Variants in ZSWIM6 observed in about 807,000 individuals in gnomAD.
The protein encoded by ZSWIM6 is zinc finger SWIM-type containing 6.
Under a neutral mutation model 113.2 loss-of-function variants are expected in ZSWIM6, and 9 were observed. The ratio of observed to expected loss-of-function variants is 0.08; its 90% CI spans 0.05 to 0.14. The LOEUF is 0.14. Among genes scored for constraint, ZSWIM6 ranks in the 10% least tolerant of loss-of-function variants. The pLI is 1.00. For missense variants in ZSWIM6, 1,162 were observed against 1,552.2 expected, an observed-to-expected ratio of 0.75 and a Z score of 4.22; for synonymous variants, 611 against 606.5, an observed-to-expected ratio of 1.01 and a Z score of -0.11.
At chr5:61,436,229 A>G (rs1746704290) in intron 1 of ZSWIM6, among the ~76,000 whole-genome samples, 8 of 152,060 alleles carry the variant, frequency 5.3e-5, no homozygotes, top group Admixed American at 5.2e-4. Flanking sequence ...TGTAGTCACT[A>G]ATTATCACTA....
intron 1 of ZSWIM6, among the ~76,000 whole-genome samples, chr5:61,404,094 G>A (rs976750515): frequency 6.6e-6 from 1 of 151,140 alleles, no homozygotes; most frequent in Non-Finnish European, 1.5e-5. Flanking sequence ...TGCAAGCTCC[G>A]CCTCCCGGGT....
rs529051298 is a variant in ZSWIM6 at position 61,332,994 on chromosome 5, C to T, written c.676+46C>T. 185 of 414,730 alleles carry T rather than the reference C, an allele frequency of 4.5e-4. 1 individual carries two copies. The African/African-American group carries it at 4.7e-3, about 11-fold the overall frequency. 25.7% of individuals were successfully genotyped at this position (414,730 alleles called of 1,614,324 possible). On this transcript the variant is annotated intron_variant, in intron 1 of 13. Coordinates refer to ENST00000252744, the MANE Select transcript of ZSWIM6 (RefSeq NM_020928.2). ...GAGCCGTCTGTCCGTCCGTCAGTCCCTGGGTGGGGGGGGGGTGCCCGCCTT... is the reference window on the plus strand; with the variant it reads ...GAGCCGTCTGTCCGTCCGTCAGTCCTTGGGTGGGGGGGGGGTGCCCGCCTT...
At chr5:61,518,806 G>A (rs1302640549) in intron 4 of ZSWIM6, among the ~76,000 whole-genome samples, 1 of 152,088 alleles carries the variant, frequency 6.6e-6, no homozygotes, top group Non-Finnish European at 1.5e-5. Flanking sequence ...GATCCCATTT[G>A]TCAATTTTGG....
At chr5:61,444,900 A>T (rs1268397159) in intron 1 of ZSWIM6, among the ~76,000 whole-genome samples, 1 of 152,190 alleles carries the variant, frequency 6.6e-6, no homozygotes, top group African/African-American at 2.4e-5. Context: ...TAGTGTCAAT[A>T]TTCAAGATTT....
chr5:61,497,996 G>A (rs77894051), intron 4 of ZSWIM6, among the ~76,000 whole-genome samples: 2,529 of 152,164 alleles, frequency 0.017, 54 homozygotes, highest in African/African-American at 0.055. Context: ...CTTAATTACT[G>A]TGGGGGTCTA....
chr5:61,496,715 T>C (rs1229242405), intron 4 of ZSWIM6, among the ~76,000 whole-genome samples: 1 of 152,134 alleles, frequency 6.6e-6, no homozygotes, highest in Non-Finnish European at 1.5e-5. Flanking sequence ...CAGGACCCAC[T>C]GTGAGACAAT....
intron 1 of ZSWIM6, among the ~76,000 whole-genome samples, chr5:61,468,831 A>G (rs1170690445): frequency 1.3e-5 from 2 of 152,208 alleles, no homozygotes; most frequent in African/African-American, 2.4e-5. Flanking sequence ...ACACCACTAT[A>G]CAAGGCTGAA....
intron 1 of ZSWIM6, among the ~76,000 whole-genome samples, chr5:61,423,472 C>A (rs1350691840): frequency 6.6e-6 from 1 of 151,370 alleles, no homozygotes; most frequent in Non-Finnish European, 1.5e-5. Context: ...AAATGGGCAT[C>A]CTTGTTGTTG....
At chr5:61,363,011 A>G (rs981556442) in intron 1 of ZSWIM6, among the ~76,000 whole-genome samples, 1 of 152,228 alleles carries the variant, frequency 6.6e-6, no homozygotes, top group Non-Finnish European at 1.5e-5. Context: ...TGTGACACAC[A>G]GCATTGGCCT....
Position 61,477,549 on chromosome 5 carries a change from T to A in ZSWIM6, c.1033+4512T>A, listed in dbSNP as rs191681161. On this transcript the variant is annotated intron_variant, in intron 2 of 13. Transcript: ENST00000252744. The stretch of plus-strand genomic sequence containing the variant: ...TCATGTGTTGTTTTTCCATTTCAAT[T>A]TGTTTGAGCATGGTTCTTATACAAC... Among the ~76,000 whole-genome samples, 17 of 152,342 alleles carry A rather than the reference T, an allele frequency of 1.1e-4. No homozygotes were observed. In the East Asian group the frequency reaches 3.1e-3, roughly 28 times the overall value.
intron 1 of ZSWIM6, among the ~76,000 whole-genome samples, chr5:61,455,832 GC>G (rs1747196422): frequency 3.6e-4 from 1 of 2,788 alleles, no homozygotes; most frequent in Admixed American, 4.6e-3. Flanking sequence ...CCCCGCCCCC[GC>G]CCCCACTGTT....
intron 1 of ZSWIM6, among the ~76,000 whole-genome samples, chr5:61,469,942 C>T (rs1174248789): frequency 1.3e-5 from 2 of 152,150 alleles, no homozygotes; most frequent in African/African-American, 2.4e-5. Flanking sequence ...CTCCTGACCT[C>T]GTGATCCGCC....
chr5:61,410,866 C>T (rs962848480), intron 1 of ZSWIM6, among the ~76,000 whole-genome samples: 1 of 152,222 alleles, frequency 6.6e-6, no homozygotes, highest in Non-Finnish European at 1.5e-5. Flanking sequence ...AGTTATACGA[C>T]TTTGTCCACT....
At chr5:61,516,898 A>T (rs921336042) in intron 4 of ZSWIM6, among the ~76,000 whole-genome samples, 48 of 151,702 alleles carry the variant, frequency 3.2e-4, no homozygotes, top group African/African-American at 1.1e-3. Context: ...TTTCATCATC[A>T]CTCCTGAATG....
At chr5:61,453,379 T>C (rs1301689160) in intron 1 of ZSWIM6, among the ~76,000 whole-genome samples, 2 of 54,266 alleles carry the variant, frequency 3.7e-5, no homozygotes, top group African/African-American at 1.5e-4. Context: ...TCTCTCTCTC[T>C]TTTTTTTTTT....
intron 4 of ZSWIM6, 105 bp downstream of exon 4, chr5:61,494,515 C>T (rs1748269504): frequency 4.3e-6 from 6 of 1,400,376 alleles, no homozygotes; most frequent in Non-Finnish European, 5.8e-6. Context: ...GAGAGCTGCT[C>T]ATGCATGGAA....
intron 1 of ZSWIM6, among the ~76,000 whole-genome samples, chr5:61,374,853 C>T (rs1745337903): frequency 6.6e-6 from 1 of 152,160 alleles, no homozygotes; most frequent in Non-Finnish European, 1.5e-5. Flanking sequence ...CCGCGCCCGG[C>T]AGGGTTGTTT....
Position 61,356,846 on chromosome 5 carries a change from T to C in ZSWIM6, c.676+23898T>C, listed in dbSNP as rs543806259. Among the ~76,000 whole-genome samples, 71 of 145,282 alleles carry C rather than the reference T, an allele frequency of 4.9e-4. No individual in the cohort carries two copies. The South Asian group carries it at 0.013, about 26-fold the overall frequency. ...AAAATATATATTTTATATATAATTA[T>C]GTAATATATATAATATGTATATAGT... is the stretch of plus-strand genomic sequence containing the variant. On this transcript the variant is annotated intron_variant, in intron 1 of 13. Transcript: ENST00000252744.
chr5:61,333,225 C>T (rs978549327), intron 1 of ZSWIM6, among the ~76,000 whole-genome samples: 3 of 151,944 alleles, frequency 2.0e-5, no homozygotes, highest in Non-Finnish European at 4.4e-5. Flanking sequence ...CGCTCCCCTA[C>T]CCGCCCTCCT....
Sources: gnomAD v4.1 joint callset for allele counts (sites outside exome capture counted in the v4.1 genomes callset) on GRCh38, gnomAD v4.1.1 for gene constraint, MANE v1.5 for transcripts, NCBI Gene and HGNC (gene_info 2026-07-23, HGNC 2026-07-21) for gene names.